The following PDZD2 variants were observed in gnomAD, a reference collection of about 807,000 sequenced individuals.
PDZD2 encodes PDZ domain containing 2.
Under a neutral mutation model 220.7 loss-of-function variants are expected in PDZD2, and 90 were observed. The observed-to-expected ratio is 0.41, with a 90% CI of 0.34 to 0.49. PDZD2 has a LOEUF of 0.49. PDZD2 is among the 20% of genes least tolerant of loss of function. The pLI, the probability that PDZD2 is intolerant of heterozygous loss-of-function variation, is 0.28. For synonymous variants in PDZD2, 1,375 were observed against 1,450.5 expected (o/e 0.95, Z 1.18); for missense variants, 3,174 against 3,608.5 (o/e 0.88, Z 3.08).
intron 1 of PDZD2, among the ~76,000 whole-genome samples, chr5:31,751,233 G>C (rs6879926): frequency 0.18 from 24,393 of 132,568 alleles, 2,204 homozygotes; most frequent in Non-Finnish European, 0.22. Context: ...AAGAGCGAAA[G>C]TACATCTCCA....
intron 2 of PDZD2, among the ~76,000 whole-genome samples, chr5:31,866,553 C>T (rs1316310105): frequency 1.3e-5 from 2 of 152,090 alleles, no homozygotes; most frequent in Non-Finnish European, 2.9e-5. Flanking sequence ...TCTCCCACCA[C>T]CCTTAAAGGC....
intron 1 of PDZD2, among the ~76,000 whole-genome samples, chr5:31,650,776 T>C (rs1745320609): frequency 6.6e-6 from 1 of 152,166 alleles, no homozygotes; most frequent in South Asian, 2.1e-4. Flanking sequence ...AGCTCTGAGG[T>C]CTTCCTCCTC....
At chr5:31,911,636 C>T (rs531097549) in intron 2 of PDZD2, among the ~76,000 whole-genome samples, 15 of 152,318 alleles carry the variant, frequency 9.8e-5, no homozygotes, top group African/African-American at 2.9e-4. Flanking sequence ...GATGTGTTAA[C>T]GGTTGTTGGT....
intron 10 of PDZD2, among the ~76,000 whole-genome samples, chr5:32,056,410 C>A (rs560484592): frequency 1.3e-5 from 2 of 152,136 alleles, no homozygotes; most frequent in Non-Finnish European, 2.9e-5. Flanking sequence ...TTCTTATAGG[C>A]GTACAGAGTC....
At chr5:31,915,351 A>G (rs1406563091) in intron 2 of PDZD2, among the ~76,000 whole-genome samples, 5 of 152,182 alleles carry the variant, frequency 3.3e-5, no homozygotes, top group East Asian at 1.9e-4. Flanking sequence ...TTAACCAGTT[A>G]TGGACCTTCT....
chr5:31,805,639 G>A (rs1030831575), intron 2 of PDZD2, among the ~76,000 whole-genome samples: 4 of 152,150 alleles, frequency 2.6e-5, no homozygotes, highest in African/African-American at 9.7e-5. Flanking sequence ...TCCCTGTCAG[G>A]AGTTTGATTT....
chr5:31,840,446 A>ATATTTATT lies in PDZD2; in HGVS notation c.476+40727_476+40728insATTTATTT, dbSNP rs1554081848. Reference sequence around the variant, plus strand: ...TATATATATATATATATATATATATATATTTGTTTATAGTCCAGAGGTCTT... The same window carrying ATATTTATT: ...TATATATATATATATATATATATATATATTTATTTATTTGTTTATAGTCCAGAGGTCTT... On this transcript the variant is annotated intron_variant, in intron 2 of 24. Coordinates refer to ENST00000438447, the MANE Select transcript of PDZD2 (RefSeq NM_178140.4). The ATATTTATT allele has an allele frequency of 4.3e-4, 30 of 69,120 alleles. 2 individuals are homozygous for ATATTTATT. Among genetic ancestry groups the ATATTTATT allele is most frequent in the African/African-American group, 1.3e-3 (21 of 15,930 alleles). The allele number at this position is 69,120 out of a possible 1,614,324, so 4.3% of individuals were successfully genotyped here.
intron 2 of PDZD2, among the ~76,000 whole-genome samples, chr5:31,968,138 T>C (rs1748924992): frequency 6.6e-6 from 1 of 152,136 alleles, no homozygotes. Context: ...AGTGCACTTA[T>C]AAAAGAGACT....
In PDZD2 at chr5:32,089,568, G is replaced by T. The variant is rs150986745; in HGVS notation, c.6120G>T (p.Ala2040=). 6.2e-7 allele frequency: 1 copy of T among 1,612,180 alleles called. No homozygotes were observed. Among genetic ancestry groups the T allele is most frequent in the Non-Finnish European group, 8.5e-7 (1 of 1,180,038 alleles). Residue 2040 remains alanine (A), a synonymous_variant, in exon 20 of 25, where the codon GCG becomes GCT. Transcript: ENST00000438447. ...ACTCCGGGCCGGTGAGTCCGGCAGC[G>T]TCTAGGAACGGCATGTCCGTGGCAG... ...RADSGPVSPA[A]SRNGMSVAGN...
At chr5:31,693,978 T>A (rs993462354) in intron 1 of PDZD2, among the ~76,000 whole-genome samples, 3 of 152,228 alleles carry the variant, frequency 2.0e-5, no homozygotes, top group African/African-American at 7.2e-5. Context: ...CTTTTTGAAA[T>A]GGATCATCAT....
At chr5:31,700,164 T>G (rs1747554269) in intron 1 of PDZD2, among the ~76,000 whole-genome samples, 2 of 151,684 alleles carry the variant, frequency 1.3e-5, no homozygotes, top group African/African-American at 2.4e-5. Context: ...GTGAGAGAGA[T>G]TGGGAGGAGG....
chr5:32,050,925 T>G (rs1367015308), intron 8 of PDZD2, among the ~76,000 whole-genome samples: 6 of 152,210 alleles, frequency 3.9e-5, no homozygotes, highest in Admixed American at 3.9e-4. Flanking sequence ...TCGTCCAATA[T>G]GGTAGCCGTA....
chr5:31,967,993 C>A (rs939479646), intron 2 of PDZD2, among the ~76,000 whole-genome samples: 1 of 152,150 alleles, frequency 6.6e-6, no homozygotes, highest in African/African-American at 2.4e-5. Context: ...TTAGCATACA[C>A]AACTGCTATA....
intron 2 of PDZD2, among the ~76,000 whole-genome samples, chr5:31,903,327 AT>A (rs1742280479): frequency 6.6e-6 from 1 of 151,888 alleles, no homozygotes; most frequent in African/African-American, 2.4e-5. Context: ...AAATAAAAAA[AT>A]ATTATTATGT....
intron 2 of PDZD2, among the ~76,000 whole-genome samples, chr5:31,870,259 A>G (rs1224512034): frequency 6.6e-6 from 1 of 152,226 alleles, no homozygotes; most frequent in Non-Finnish European, 1.5e-5. Flanking sequence ...ACATATGCCC[A>G]CATATAAGGT....
chr5:31,810,344 C>A (rs1456595910), intron 2 of PDZD2, among the ~76,000 whole-genome samples: 1 of 150,488 alleles, frequency 6.6e-6, no homozygotes, highest in Non-Finnish European at 1.5e-5. Flanking sequence ...CTCACTGCAA[C>A]CTCCGCCTCC....
At chr5:31,815,492 A>ACC (rs1341758493) in intron 2 of PDZD2, among the ~76,000 whole-genome samples, 1 of 152,182 alleles carries the variant, frequency 6.6e-6, no homozygotes, top group Admixed American at 6.5e-5. Context: ...CTGTCATGTG[A>ACC]TGCTATACTA....
chr5:31,689,351 A>T lies in PDZD2; in HGVS notation c.-361+49914A>T, dbSNP rs867978905. ...TATACATATACATATATATATATAT[A>T]TATTTTTTTTTTTTTTTTTTTTAAG... On this transcript the variant is annotated intron_variant, in intron 1 of 24. Coordinates refer to ENST00000438447, the MANE Select transcript of PDZD2 (RefSeq NM_178140.4). Among the ~76,000 whole-genome samples the T allele has an allele frequency of 6.7e-3, 190 of 28,170 alleles. 3 individuals carry two copies. The highest frequency in any genetic ancestry group is 0.01 in the African/African-American group (34 of 3,366). The allele number at this position is 28,170 out of a possible 152,430, so 18.5% of individuals were successfully genotyped here.
chr5:32,060,164 G>A (rs766253793), intron 13 of PDZD2, among the ~76,000 whole-genome samples: 1 of 149,920 alleles, frequency 6.7e-6, no homozygotes, highest in Non-Finnish European at 1.5e-5. Context: ...AATCATTAGA[G>A]TAAATTTCCA....
Sources: allele counts gnomAD v4.1 joint callset (sites outside exome capture counted in the v4.1 genomes callset), GRCh38; gene constraint gnomAD v4.1.1; transcripts MANE v1.5; gene names NCBI Gene and HGNC (gene_info 2026-07-23, HGNC 2026-07-21).